The following AMPD1 variants were observed in gnomAD, a reference collection of about 807,000 sequenced individuals.
AMPD1 encodes AMP deaminase 1.
A neutral mutation model predicts 82.9 loss-of-function variants in AMPD1; 74 were observed. The observed-to-expected ratio is 0.89, with a 90% CI of 0.74 to 1.08. AMPD1 has a LOEUF of 1.08. AMPD1 is among the 50% of genes least tolerant of loss of function. The pLI, the probability that AMPD1 is intolerant of heterozygous loss-of-function variation, is 0.00. For missense variants in AMPD1, 881 were observed against 924.5 expected (o/e 0.95, Z 0.61); for synonymous variants, 333 against 320.5 (o/e 1.04, Z -0.42).
chr1:114,691,028 A>G (rs1658500930), intron 2 of AMPD1, among the ~76,000 whole-genome samples: 1 of 152,176 alleles, frequency 6.6e-6, no homozygotes, highest in Non-Finnish European at 1.5e-5. Flanking sequence ...GGGACTGCAC[A>G]TTTCTATTTG....
chr1:114,686,685 A>G, intron 4 of AMPD1, 60 bp downstream of exon 4: 1 of 1,566,114 alleles, frequency 6.4e-7, no homozygotes, highest in South Asian at 1.1e-5. Context: ...GCAAGGAGCT[A>G]GAACTGTCAA....
At chr1:114,695,340 G>C in intron 1 of AMPD1, 110 bp downstream of exon 1, 1 of 1,470,972 alleles carries the variant, frequency 6.8e-7, no homozygotes, top group East Asian at 2.3e-5. Context: ...AAGCTATCAC[G>C]AACCCTAAAT....
intron 2 of AMPD1, 29 bp from the exon 3 acceptor site, chr1:114,688,770 C>T (rs890071033): frequency 6.2e-7 from 1 of 1,613,370 alleles, no homozygotes; most frequent in African/African-American, 1.3e-5. Context: ...TATTAGTGTT[C>T]AAGCCCCTTT....
intron 5 of AMPD1, among the ~76,000 whole-genome samples, chr1:114,682,465 A>G (rs564084961): frequency 1.3e-5 from 2 of 152,320 alleles, no homozygotes; most frequent in Non-Finnish European, 2.9e-5. Context: ...AACCACTGTT[A>G]TGTGTTACCA....
rs1557969881 is a variant in AMPD1, at chr1:114,678,380, T to C, written c.1045A>G (p.Lys349Glu). 1 of 1,614,174 alleles carries C rather than the reference T, an allele frequency of 6.2e-7. No individual in the cohort carries two copies. The change falls in exon 8 of 16, where the codon AAA (lysine) becomes GAA (glutamate). Residue 349 changes from lysine (K) to glutamate (E), a missense_variant. Around this residue, in one of 2 missense-constraint regions of AMPD1, gnomAD observed 783 missense variants for 786.4 expected, o/e 1.00. Coordinates refer to ENST00000520113, the MANE Select transcript of AMPD1 (RefSeq NM_000036.3). ...LTLKELFAKL[K>E]MHPYDLTVDS... ...ACAGTCAGGTCATAAGGATGCATTT[T>C]TAATTTAGCAAAAAGTTCCTTTAGG...
At chr1:114,690,522 G>A (rs1009722653) in intron 2 of AMPD1, among the ~76,000 whole-genome samples, 9 of 152,130 alleles carry the variant, frequency 5.9e-5, no homozygotes, top group Non-Finnish European at 8.8e-5. Flanking sequence ...GTTTGTTACA[G>A]CAAAGTTAAC....
intron 3 of AMPD1, among the ~76,000 whole-genome samples, chr1:114,687,378 T>G (rs1658352090): frequency 6.6e-6 from 1 of 152,222 alleles, no homozygotes; most frequent in South Asian, 2.1e-4. Context: ...GCACAGTACC[T>G]GGAACTTATA....
At chr1:114,682,754 A>AT (rs1358014402) in intron 5 of AMPD1, among the ~76,000 whole-genome samples, 2 of 151,962 alleles carry the variant, frequency 1.3e-5, no homozygotes, top group East Asian at 3.9e-4. Flanking sequence ...AATTTTTTGT[A>AT]TTTTTAGTAG....
At chr1:114,676,752 C>T (rs1255973472) in intron 10 of AMPD1, among the ~76,000 whole-genome samples, 2 of 152,106 alleles carry the variant, frequency 1.3e-5, no homozygotes, top group Non-Finnish European at 2.9e-5. Context: ...ACACAGAACA[C>T]AAAGACAGGT....
intron 10 of AMPD1, 70 bp downstream of exon 10, chr1:114,677,281 G>A: frequency 6.3e-7 from 1 of 1,587,074 alleles, no homozygotes; most frequent in African/African-American, 1.4e-5. Context: ...CACGTTCCTT[G>A]TTCATACAGG....
At chr1:114,676,076 C>G in intron 10 of AMPD1, 73 bp from the exon 11 acceptor site, 6 of 1,531,756 alleles carry the variant, frequency 3.9e-6, no homozygotes, top group Non-Finnish European at 5.4e-6. Context: ...ATGAGGGAAC[C>G]AGAGAATCGA....
chr1:114,673,302 GT>G, intron 15 of AMPD1, 30 bp from the exon 16 acceptor site: 1 of 1,612,444 alleles, frequency 6.2e-7, no homozygotes, highest in Non-Finnish European at 8.5e-7. Flanking sequence ...CAGAATGATT[GT>G]TGTCTCTTTT....
chr1:114,684,359 T>A lies in AMPD1; in HGVS notation c.387A>T (p.Thr129=), dbSNP rs1286806875. ...TGCAAACAATTTCAAAATCTTCAAC[T>A]GTAACCTGCCAAAAAAAAAAAAGTC... ...QITGDYASGV[T]VEDFEIVCKG... Residue 129 remains threonine, a synonymous_variant, in exon 5 of 16, where the codon ACA becomes ACT. Coordinates refer to ENST00000520113, the MANE Select transcript of AMPD1 (RefSeq NM_000036.3). 1.9e-6 allele frequency: 3 copies of A among 1,613,040 alleles called. No individual in the cohort carries two copies. In the East Asian group the frequency reaches 6.7e-5, roughly 36 times the overall value.
chr1:114,673,887 A>G (rs1320872531), intron 14 of AMPD1, 22 bp downstream of exon 14: 4 of 1,612,402 alleles, frequency 2.5e-6, no homozygotes, highest in Non-Finnish European at 3.4e-6. Context: ...ATATGCTTGT[A>G]TTGCCCAAGT....
At chr1:114,686,970 T>C in intron 3 of AMPD1, 60 bp from the exon 4 acceptor site, 1 of 1,529,592 alleles carries the variant, frequency 6.5e-7, no homozygotes, top group Non-Finnish European at 9.1e-7. Flanking sequence ...TTCATTGTGA[T>C]AGATAGATGT....
At chr1:114,692,044 TTAA>T (rs1307176344) in intron 2 of AMPD1, among the ~76,000 whole-genome samples, 1 of 152,218 alleles carries the variant, frequency 6.6e-6, no homozygotes, top group Non-Finnish European at 1.5e-5. Flanking sequence ...AAGGGGAATG[TTAA>T]TAATAATAAC....
chr1:114,682,221 A>T (rs1035879785), intron 5 of AMPD1, among the ~76,000 whole-genome samples: 3 of 152,184 alleles, frequency 2.0e-5, no homozygotes, highest in African/African-American at 7.2e-5. Flanking sequence ...GAAAAATAGC[A>T]TAGGGAAAAA....
chr1:114,673,951 G>C lies in AMPD1; in HGVS notation c.1932C>G (p.Ile644Met). 6.2e-7 allele frequency: 1 copy of C among 1,614,044 alleles called. No homozygotes were observed. The highest frequency in any genetic ancestry group is 1.1e-5 in the South Asian group (1 of 91,080). Residue 644 changes from isoleucine to methionine, a missense_variant, in exon 14 of 16, where the codon ATC becomes ATG. This residue lies in a region of AMPD1 where 98 missense variants were observed against 138.1 expected (regional missense o/e 0.71). Coordinates refer to ENST00000520113, the MANE Select transcript of AMPD1 (RefSeq NM_000036.3). The part of the protein sequence containing the change: ...FLDFLQKGLM[I>M]SLSTDDPMQF... ...GCATTGGGTCATCTGTAGACAGTGA[G>C]ATCATTAGCCCTTTCTGAAGGAAAT...
chr1:114,682,166 A>G (rs1432270276), intron 5 of AMPD1, among the ~76,000 whole-genome samples: 1 of 152,210 alleles, frequency 6.6e-6, no homozygotes, highest in Non-Finnish European at 1.5e-5. Context: ...GGAAGGCATC[A>G]GAAAGCCTCC....
Sources: gnomAD v4.1 joint callset for allele counts (sites outside exome capture counted in the v4.1 genomes callset) on GRCh38, gnomAD v4.1.1 for gene constraint, gnomAD v4.1.1 regional missense constraint, MANE v1.5 for transcripts, NCBI Gene and HGNC (gene_info 2026-07-23, HGNC 2026-07-21) for gene names.